CELSR3: variants seen among roughly 807,000 people sequenced by gnomAD.
CELSR3 encodes EGF-like protein 1.
In CELSR3, 73 loss-of-function variants were observed where a neutral mutation model predicts 270.0. The observed-to-expected ratio is 0.27, with a 90% CI of 0.22 to 0.33. The LOEUF (loss-of-function observed/expected upper bound fraction) is 0.33. Among genes scored for constraint, CELSR3 ranks in the 10% least tolerant of loss-of-function variants. The pLI, the probability that CELSR3 is intolerant of heterozygous loss-of-function variation, is 1.00. For synonymous variants in CELSR3, 1,780 were observed against 1,905.4 expected (o/e 0.93, Z 1.71); for missense variants, 3,614 against 4,533.8 (o/e 0.80, Z 5.83).
Position 48,641,733 on chromosome 3 carries a change from G to A in CELSR3, c.8824+118C>T. The A allele has an allele frequency of 1.8e-6, 2 of 1,118,628 alleles. No individual in the cohort carries two copies. Among genetic ancestry groups the A allele is most frequent in the Non-Finnish European group, 2.5e-6 (2 of 810,722 alleles). 69.3% of individuals were successfully genotyped at this position (1,118,628 alleles called of 1,614,324 possible). A position where few individuals can be genotyped will look rare whatever the true frequency, so the allele number is the denominator to read the frequency against. On this transcript the variant is annotated intron_variant, in intron 32 of 34. Coordinates refer to ENST00000164024, the MANE Select transcript of CELSR3 (RefSeq NM_001407.3). This position sits in a 1 kb window ranked among gnomAD's most constrained non-coding sequence, Gnocchi z 4.8. Reference sequence around the variant, plus strand: ...ACAGAGACTAAAAGTTGGGGAACCTGATGACTGAGGGGTCAGAAAGACCAG... The same window carrying A: ...ACAGAGACTAAAAGTTGGGGAACCTAATGACTGAGGGGTCAGAAAGACCAG...
Position 48,645,251 on chromosome 3 carries a change from C to T in CELSR3, c.7798-42G>A, listed in dbSNP as rs1246125796. 1.3e-6 allele frequency: 2 copies of T among 1,550,064 alleles called. No homozygotes were observed. Among genetic ancestry groups the T allele is most frequent in the Admixed American group, 1.8e-5 (1 of 55,256 alleles). ...GTGTCAGGACCTCTCCTGCCTCACC[C>T]ACCTCTGACCCCTACCCCAGGCATC... On this transcript the variant is annotated intron_variant, in intron 24 of 34. Coordinates refer to ENST00000164024, the MANE Select transcript of CELSR3 (RefSeq NM_001407.3). The surrounding 1 kb of genome is among the most constrained non-coding windows in gnomAD (Gnocchi z 5.4).
In CELSR3 at chr3:48,660,405, C is replaced by T. The variant is rs184868266; in HGVS notation, c.2230G>A (p.Val744Met). 86 of 1,614,110 alleles carry T rather than the reference C, an allele frequency of 5.3e-5. No individual in the cohort carries two copies. In the East Asian group the frequency reaches 1.2e-3, roughly 22 times the overall value. ...TTGTCATTAACGTCCAGCACAGTCA[C>T]GGTGACACTGGCTGAGGCAGAGAGT... ...PPLSASASVT[V>M]TVLDVNDNRP... Residue 744 changes from valine to methionine, a missense_variant, in exon 1 of 35, where the codon GTG becomes ATG. By Grantham distance (21) the Val-to-Met change is conservative. Coordinates refer to ENST00000164024, the MANE Select transcript of CELSR3 (RefSeq NM_001407.3). This position sits in a 1 kb window ranked among gnomAD's most constrained non-coding sequence, Gnocchi z 5.5.
rs2046979818 is a variant in CELSR3, at chr3:48,637,282, C to T, written c.*923G>A. ...CTGTAAACATAGGAGGCAGTGGCACCTACATTCTGGGTCTTGAATTCCCTT... is the reference window on the plus strand; with the variant it reads ...CTGTAAACATAGGAGGCAGTGGCACTTACATTCTGGGTCTTGAATTCCCTT... On this transcript the variant is annotated 3_prime_UTR_variant, in exon 35 of 35. Transcript: ENST00000164024. The T allele has an allele frequency of 6.6e-6, 1 of 152,594 alleles. No individual in the cohort carries two copies. The highest frequency in any genetic ancestry group is 2.4e-5 in the African/African-American group (1 of 41,422). The allele number at this position is 152,594 out of a possible 1,614,324, so 9.5% of individuals were successfully genotyped here.
chr3:48,656,563 T>G, intron 2 of CELSR3, 135 bp downstream of exon 2: 4 of 1,282,506 alleles, frequency 3.1e-6, no homozygotes, highest in Non-Finnish European at 4.1e-6. Flanking sequence ...CCGGCCACGC[T>G]CTACGGCTTC....
At position 48,641,832 on chromosome 3, in the gene CELSR3, G is replaced by T. The variant is rs1381503191; in HGVS notation, c.8824+19C>A. ...GGGGCATCCCTTGGTCACCCAAGGG[G>T]TCAGAGGGCGCCTGGCACCTTTGGG... On this transcript the variant is annotated intron_variant, in intron 32 of 34. Coordinates refer to ENST00000164024, the MANE Select transcript of CELSR3 (RefSeq NM_001407.3). The surrounding 1 kb of genome is among the most constrained non-coding windows in gnomAD (Gnocchi z 4.8). The T allele has an allele frequency of 5.5e-6, 8 of 1,448,328 alleles. No individual in the cohort carries two copies. Among genetic ancestry groups the T allele is most frequent in the Non-Finnish European group, 7.3e-6 (8 of 1,098,254 alleles). The allele number at this position is 1,448,328 out of a possible 1,614,324, so 89.7% of individuals were successfully genotyped here.
Position 48,654,674 on chromosome 3 carries a change from A to G in CELSR3, c.4989-222T>C, listed in dbSNP as rs1200886898. Among the ~76,000 whole-genome samples the G allele has an allele frequency of 6.6e-6, 1 of 151,980 alleles. No homozygotes were observed. The highest frequency in any genetic ancestry group is 6.6e-5 in the Admixed American group (1 of 15,256). ...GGGAAAGGTAGGTGAATGGGGGTTG[A>G]GAGCTATGATGAAAGAATGAGGCAT... On this transcript the variant is annotated intron_variant, in intron 6 of 34. Coordinates refer to ENST00000164024, the MANE Select transcript of CELSR3 (RefSeq NM_001407.3). The surrounding 1 kb of genome is among the most constrained non-coding windows in gnomAD (Gnocchi z 5.4).
chr3:48,661,158 C>T lies in CELSR3; in HGVS notation c.1477G>A (p.Gly493Ser). The change falls in exon 1 of 35, where the codon GGC becomes AGC. Residue 493 changes from glycine to serine, a missense_variant. By Grantham distance (56) the Gly-to-Ser change is moderately conservative. Around this residue, in one of 7 missense-constraint regions of CELSR3, gnomAD observed 354 missense variants for 500.9 expected, o/e 0.71. Transcript: ENST00000164024. ...AAAFEIDPRS[G>S]LISTSGRVDR... is the part of the protein sequence containing the mutation. ...ACTCGGCCGCTGGTGCTGATGAGGC[C>T]GGAGCGTGGATCAATCTCGAAGGCG... The T allele has an allele frequency of 6.2e-7, 1 of 1,602,660 alleles. No individual in the cohort carries two copies. Among genetic ancestry groups the T allele is most frequent in the Admixed American group, 1.7e-5 (1 of 58,232 alleles).
In CELSR3 at chr3:48,654,082, A is replaced by G. The variant is rs1430355544; in HGVS notation, c.5153-79T>C. The G allele has an allele frequency of 1.9e-6, 3 of 1,564,650 alleles. No homozygotes were observed. Among genetic ancestry groups the G allele is most frequent in the Non-Finnish European group, 2.6e-6 (3 of 1,150,216 alleles). On this transcript the variant is annotated intron_variant, in intron 7 of 34. Coordinates refer to ENST00000164024, the MANE Select transcript of CELSR3 (RefSeq NM_001407.3). The surrounding 1 kb of genome is among the most constrained non-coding windows in gnomAD (Gnocchi z 5.4). ...TGCTGGACAGGACTTTAGTGTCCAG[A>G]GGGGCTGAAAGAGACCAAGATCTCA...
rs1259531290 is a variant in CELSR3, at chr3:48,647,970, G to A, written c.7000C>T (p.Pro2334Ser). 3 of 1,611,930 alleles carry A rather than the reference G, an allele frequency of 1.9e-6. No individual in the cohort carries two copies. Among genetic ancestry groups the A allele is most frequent in the East Asian group, 2.2e-5 (1 of 44,850 alleles). ...CGACGGGCCCCCCGGGGAGAACTGG[G>A]GTGCTCCATGCGGTCAATGCTGAGC... Reference protein sequence around the residue: ...IMLSIDRMEHPSSPRGARRYP... With the variant: ...IMLSIDRMEHSSSPRGARRYP... Residue 2334 changes from proline to serine, a missense_variant, in exon 20 of 35, where the codon CCC (proline) becomes TCC (serine). Around this residue, in one of 7 missense-constraint regions of CELSR3, gnomAD observed 1,240 missense variants for 1,351.7 expected, o/e 0.92. Transcript: ENST00000164024.
At position 48,640,731 on chromosome 3, in the gene CELSR3, G is replaced by C; in HGVS notation, c.9026-172C>G. ...CCTGGTGGTCCCAGAGAGGCAGCAGGACAGGGGTCAGAGTGGAAGGGCAGT... is the reference window on the plus strand; with the variant it reads ...CCTGGTGGTCCCAGAGAGGCAGCAGCACAGGGGTCAGAGTGGAAGGGCAGT... On this transcript the variant is annotated intron_variant, in intron 33 of 34. Coordinates refer to ENST00000164024, the MANE Select transcript of CELSR3 (RefSeq NM_001407.3). This position sits in a 1 kb window ranked among gnomAD's most constrained non-coding sequence, Gnocchi z 7.5. The C allele has an allele frequency of 1.5e-6, 1 of 672,926 alleles. No homozygotes were observed. Among genetic ancestry groups the C allele is most frequent in the Non-Finnish European group, 2.4e-6 (1 of 413,458 alleles). The allele number at this position is 672,926 out of a possible 1,614,324, so 41.7% of individuals were successfully genotyped here. A position where few individuals can be genotyped will look rare whatever the true frequency, so the allele number is the denominator to read the frequency against.
rs2047153426 is a variant in CELSR3, at chr3:48,653,259, G to A, written c.5449-72C>T. 7.1e-7 allele frequency: 1 copy of A among 1,410,108 alleles called. No individual in the cohort carries two copies. 87.3% of individuals were successfully genotyped at this position (1,410,108 alleles called of 1,614,324 possible). A position where few individuals can be genotyped will look rare whatever the true frequency, so the allele number is the denominator to read the frequency against. On this transcript the variant is annotated intron_variant, in intron 9 of 34. Coordinates refer to ENST00000164024, the MANE Select transcript of CELSR3 (RefSeq NM_001407.3). This position sits in a 1 kb window ranked among gnomAD's most constrained non-coding sequence, Gnocchi z 6.5. ...TGGGACTTGGAGGTGAGATCAGAGG[G>A]CTCAGAGGTCAGGAATATCAGAGGT...
rs373453890 is a variant in CELSR3 at position 48,651,317 on chromosome 3, T to C, written c.6186+42A>G. 7.5e-5 allele frequency: 120 copies of C among 1,609,402 alleles called. 1 individual carries two copies. In the African/African-American group the frequency reaches 1.4e-3, roughly 19 times the overall value. On this transcript the variant is annotated intron_variant, in intron 14 of 34. Transcript: ENST00000164024. This position sits in a 1 kb window ranked among gnomAD's most constrained non-coding sequence, Gnocchi z 7.4. The stretch of plus-strand genomic sequence containing the variant: ...CAGCAAGCTGGACAGGAATTGCAGA[T>C]TGCGTCCAAGGAAGGGTTAAAAGGT...
Position 48,661,694 on chromosome 3 carries a change from C to G in CELSR3, c.941G>C (p.Arg314Pro). Residue 314 changes from arginine to proline, a missense_variant, in exon 1 of 35, where the codon CGC becomes CCC. Around this residue, in one of 7 missense-constraint regions of CELSR3, gnomAD observed 470 missense variants for 469.7 expected, o/e 1.00. Coordinates refer to ENST00000164024, the MANE Select transcript of CELSR3 (RefSeq NM_001407.3). The part of the protein sequence containing the change: ...ARKVTSANRA[R>P]FRRAANRHPQ... ...GTGGCGGTTTGCGGCGCGACGAAAG[C>G]GTGCCCGGTTCGCCGAGGTTACTTT... The G allele has an allele frequency of 6.3e-7, 1 of 1,577,622 alleles. No homozygotes were observed. Among genetic ancestry groups the G allele is most frequent in the Non-Finnish European group, 8.6e-7 (1 of 1,160,620 alleles).
chr3:48,660,381 T>C lies in CELSR3; in HGVS notation c.2254A>G (p.Asn752Asp), dbSNP rs766352219. 6 of 1,614,018 alleles carry C rather than the reference T, an allele frequency of 3.7e-6. No homozygotes were observed. The highest frequency in any genetic ancestry group is 1.7e-5 in the Admixed American group (1 of 60,000). ...VTVTVLDVND[N>D]RPEFTMKEYH... ...TCCTTCATTGTGAACTCAGGCCGATTGTCATTAACGTCCAGCACAGTCACG... is the reference window on the plus strand; with the variant it reads ...TCCTTCATTGTGAACTCAGGCCGATCGTCATTAACGTCCAGCACAGTCACG... Residue 752 changes from asparagine (N) to aspartate (D), a missense_variant, in exon 1 of 35, where the codon AAT becomes GAT. By Grantham distance (23) the Asn-to-Asp change is conservative. Coordinates refer to ENST00000164024, the MANE Select transcript of CELSR3 (RefSeq NM_001407.3). This position sits in a 1 kb window ranked among gnomAD's most constrained non-coding sequence, Gnocchi z 5.5.
chr3:48,655,907 T>C lies in CELSR3; in HGVS notation c.4626-56A>G. On this transcript the variant is annotated intron_variant, in intron 3 of 34. Transcript: ENST00000164024. The surrounding 1 kb of genome is among the most constrained non-coding windows in gnomAD (Gnocchi z 5.8). ...GGGAGCGTCAGGAGCAGGGTACCAC[T>C]TCACACCCACCATCCCTGCGAGGAG... 7.4e-7 allele frequency: 1 copy of C among 1,355,458 alleles called. No individual in the cohort carries two copies. The highest frequency in any genetic ancestry group is 1.2e-5 in the South Asian group (1 of 80,358). 84.0% of individuals were successfully genotyped at this position (1,355,458 alleles called of 1,614,324 possible). A position where few individuals can be genotyped will look rare whatever the true frequency, so the allele number is the denominator to read the frequency against.
Position 48,662,857 on chromosome 3 carries a change from G to A in CELSR3, c.-223C>T, listed in dbSNP as rs930524548. 7 of 324,792 alleles carry A rather than the reference G, an allele frequency of 2.2e-5. No individual in the cohort carries two copies. The highest frequency in any genetic ancestry group is 3.4e-5 in the Non-Finnish European group (6 of 176,914). 20.1% of individuals were successfully genotyped at this position (324,792 alleles called of 1,614,324 possible). A position where few individuals can be genotyped will look rare whatever the true frequency, so the allele number is the denominator to read the frequency against. ...TTTCCGCCCCCACCACAGCATCCCC[G>A]ACGCTGCTGCCGCCTCCCGCCGCTC... On this transcript the variant is annotated 5_prime_UTR_variant, in exon 1 of 35. Transcript: ENST00000164024. This position sits in a 1 kb window ranked among gnomAD's most constrained non-coding sequence, Gnocchi z 7.1.
At position 48,657,132 on chromosome 3, in the gene CELSR3, C is replaced by G. The variant is rs2077030540; in HGVS notation, c.3965G>C (p.Gly1322Ala). The G allele has an allele frequency of 4.3e-6, 7 of 1,613,896 alleles. 1 individual carries two copies. The Admixed American group carries it at 8.3e-5, about 19-fold the overall frequency. The change falls in exon 2 of 35, where the codon GGG becomes GCG. Residue 1322 changes from glycine (G) to alanine (A), a missense_variant. By Grantham distance (60) the Gly-to-Ala change is moderately conservative. Around this residue, in one of 7 missense-constraint regions of CELSR3, gnomAD observed 1,331 missense variants for 1,933.7 expected, o/e 0.69. Coordinates refer to ENST00000164024, the MANE Select transcript of CELSR3 (RefSeq NM_001407.3). The surrounding 1 kb of genome is among the most constrained non-coding windows in gnomAD (Gnocchi z 5.4). The stretch of plus-strand genomic sequence containing the variant: ...GAAACTCACATTGAGCACGGTGCCC[C>G]CTACGTCTGTGTCGTTCTGGATGTT... ...IFNIQNDTDV[G>A]GTVLNVSFSA...
rs935033874 is a variant in CELSR3 at position 48,640,150 on chromosome 3, G to A, written c.9435C>T (p.Asp3145=). 6.2e-7 allele frequency: 1 copy of A among 1,612,438 alleles called. No individual in the cohort carries two copies. The highest frequency in any genetic ancestry group is 8.5e-7 in the Non-Finnish European group (1 of 1,179,934). The change falls in exon 34 of 35, where the codon GAC becomes GAT. Residue 3145 remains aspartate, a synonymous_variant. Coordinates refer to ENST00000164024, the MANE Select transcript of CELSR3 (RefSeq NM_001407.3). This position sits in a 1 kb window ranked among gnomAD's most constrained non-coding sequence, Gnocchi z 7.5. ...TCAACCACTCTCGAGGTGCCCCTAA[G>A]TCGAGCGCATCCCGTGACCCGAAGC... ...AGRFGSRDAL[D]LGAPREWLST... is the part of the protein sequence containing the mutation.
chr3:48,656,108 G>C, intron 3 of CELSR3, 32 bp downstream of exon 3: 1 of 1,524,456 alleles, frequency 6.6e-7, no homozygotes, highest in Non-Finnish European at 8.8e-7. Context: ...GGGGGCGGCG[G>C]GGAGGCGCTC....
Sources: gnomAD v4.1 joint callset for allele counts (sites outside exome capture counted in the v4.1 genomes callset) on GRCh38, gnomAD v4.1.1 for gene constraint, gnomAD v4.1.1 regional missense constraint, Gnocchi (gnomAD v3.1) non-coding constraint, MANE v1.5 for transcripts, NCBI Gene and HGNC (gene_info 2026-07-23, HGNC 2026-07-21) for gene names.